The following IQSEC1 variants were observed in gnomAD, a reference collection of about 807,000 sequenced individuals.
IQSEC1 encodes the protein IQ motif and SEC7 domain-containing protein 1.
A neutral mutation model predicts 91.0 loss-of-function variants in IQSEC1; 31 were observed. The ratio of observed to expected loss-of-function variants is 0.34; its 90% CI spans 0.26 to 0.46. The LOEUF is 0.46. IQSEC1 is among the 20% of genes least tolerant of loss of function. The pLI is 1.00. For synonymous variants in IQSEC1, 699 were observed against 662.6 expected (o/e 1.05, Z -0.84); for missense variants, 1,388 against 1,575.6 (o/e 0.88, Z 2.02).
At chr3:13,004,127 C>G (rs747767164) in intron 1 of IQSEC1, among the ~76,000 whole-genome samples, 3 of 151,928 alleles carry the variant, frequency 2.0e-5, no homozygotes, top group Admixed American at 2.0e-4. Context: ...ATCTATAGAC[C>G]CTGAATGGAG....
At chr3:13,276,289 C>T (rs1034094715) in intron 1 of IQSEC1, among the ~76,000 whole-genome samples, 6 of 151,894 alleles carry the variant, frequency 4.0e-5, no homozygotes, top group South Asian at 2.1e-4. Flanking sequence ...GGGGTTTCAC[C>T]GTGTCAGCCA....
At chr3:12,946,153 G>A (rs932847787) in intron 1 of IQSEC1, among the ~76,000 whole-genome samples, 20 of 152,176 alleles carry the variant, frequency 1.3e-4, no homozygotes, top group African/African-American at 4.6e-4. Flanking sequence ...CTCTAGGTGG[G>A]ACTTTTGGGT....
At position 12,983,836 on chromosome 3, in the gene IQSEC1, GATAA is replaced by G. The variant is rs1449443035; in HGVS notation, c.24-41975_24-41972del. Among the ~76,000 whole-genome samples the G allele has an allele frequency of 6.6e-6, 1 of 152,188 alleles. No homozygotes were observed. The highest frequency in any genetic ancestry group is 2.4e-5 in the African/African-American group (1 of 41,432). ...CGGCGCCTGGCACAACTAGCTGCTGGATAAATATTTGTGGATGAAATGAATATGC... is the reference window on the plus strand; with the variant it reads ...CGGCGCCTGGCACAACTAGCTGCTGGATATTTGTGGATGAAATGAATATGC... On this transcript the variant is annotated intron_variant, in intron 1 of 13. Transcript: ENST00000613206. The surrounding 1 kb of genome is among the most constrained non-coding windows in gnomAD (Gnocchi z 4.3).
intron 1 of IQSEC1, among the ~76,000 whole-genome samples, chr3:12,953,287 A>T (rs117646040): frequency 0.018 from 2,715 of 152,270 alleles, 48 homozygotes; most frequent in Middle Eastern, 0.034. Flanking sequence ...GGGCAGCCCG[A>T]CCCGATCCGC....
At chr3:12,907,034 AT>A (rs775408151) in intron 12 of IQSEC1, among the ~76,000 whole-genome samples, 14 of 152,272 alleles carry the variant, frequency 9.2e-5, no homozygotes, top group Non-Finnish European at 1.5e-4. Flanking sequence ...CAGGGAAGAT[AT>A]TACTGGCAAC....
intron 6 of IQSEC1, among the ~76,000 whole-genome samples, chr3:12,920,168 C>T (rs1009772041): frequency 2.0e-5 from 3 of 152,244 alleles, no homozygotes; most frequent in African/African-American, 7.2e-5. Context: ...CTAACAGTGT[C>T]ACCTTCTCTG....
At chr3:13,020,303 G>A (rs538192472) in intron 1 of IQSEC1, among the ~76,000 whole-genome samples, 4 of 152,282 alleles carry the variant, frequency 2.6e-5, no homozygotes, top group South Asian at 4.1e-4. Flanking sequence ...CCAGGGCTGA[G>A]CTCTGCCTCT....
chr3:12,929,616 C>CT (rs1478728898), intron 3 of IQSEC1, among the ~76,000 whole-genome samples: 3 of 152,334 alleles, frequency 2.0e-5, no homozygotes, highest in East Asian at 3.9e-4. Context: ...TCCGGATGCC[C>CT]TTCCTGCTGC....
At chr3:13,087,869 C>T (rs182221371) in intron 2 of IQSEC1, among the ~76,000 whole-genome samples, 162 of 152,258 alleles carry the variant, frequency 1.1e-3, no homozygotes, top group African/African-American at 3.6e-3. Flanking sequence ...GGATGGGGGC[C>T]GAACTTATCC....
rs79116155 is a variant in IQSEC1 at position 13,151,252 on chromosome 3, G to A, written c.302+12852C>T. Reference sequence around the variant, plus strand: ...GGGCTTCTCTAAGAGAGAGGTGGACGATGCTATCGGGAGCCCCTGTCACAG... The same window carrying A: ...GGGCTTCTCTAAGAGAGAGGTGGACAATGCTATCGGGAGCCCCTGTCACAG... On this transcript the variant is annotated intron_variant, in intron 2 of 15. Transcript: ENST00000648114. 4.5e-3 allele frequency among the ~76,000 whole-genome samples: 690 copies of A among 152,264 alleles called. 43 individuals carry two copies. The East Asian group carries it at 0.11, about 25-fold the overall frequency.
At chr3:13,000,037 C>T (rs1702359688) in intron 1 of IQSEC1, among the ~76,000 whole-genome samples, 1 of 152,202 alleles carries the variant, frequency 6.6e-6, no homozygotes, top group South Asian at 2.1e-4. Context: ...AAACCTAATG[C>T]TTTTCAAGCA....
chr3:13,143,795 G>C (rs774369787), intron 2 of IQSEC1, among the ~76,000 whole-genome samples: 1 of 152,232 alleles, frequency 6.6e-6, no homozygotes, highest in African/African-American at 2.4e-5. Context: ...TAGAGCCAGG[G>C]AGGGGTTGGG....
intron 1 of IQSEC1, among the ~76,000 whole-genome samples, chr3:13,228,588 A>G (rs1694795574): frequency 6.6e-6 from 1 of 152,222 alleles, no homozygotes; most frequent in African/African-American, 2.4e-5. Flanking sequence ...AAAGGTCCTA[A>G]TACCTTAAAA....
At chr3:13,064,719 C>A (rs1040604371) in intron 1 of IQSEC1, among the ~76,000 whole-genome samples, 1 of 152,248 alleles carries the variant, frequency 6.6e-6, no homozygotes, top group Non-Finnish European at 1.5e-5. Context: ...ATACAAAATG[C>A]ATTTTGTGGT....
chr3:13,227,605 A>C (rs2121907), intron 1 of IQSEC1, among the ~76,000 whole-genome samples: 27,021 of 151,730 alleles, frequency 0.18, 3,335 homozygotes, highest in East Asian at 0.34. Flanking sequence ...GGTGCTGAGC[A>C]GAGGAGGGAC....
intron 5 of IQSEC1, among the ~76,000 whole-genome samples, chr3:12,921,236 G>A (rs1028937072): frequency 2.4e-4 from 36 of 152,226 alleles, no homozygotes; most frequent in Non-Finnish European, 2.8e-4. Flanking sequence ...GCAAAGTACC[G>A]GGACTGAGGC....
At position 12,967,237 on chromosome 3, in the gene IQSEC1, G is replaced by C. The variant is rs953303903; in HGVS notation, c.24-25372C>G. On this transcript the variant is annotated intron_variant, in intron 1 of 13. Transcript: ENST00000613206. This position sits in a 1 kb window ranked among gnomAD's most constrained non-coding sequence, Gnocchi z 5.9. ...TCTCACCCAAACCCACAGTCTGGCG[G>C]ACGCACCCCGCCCCGCAGGCAGCTT... 96 of 635,012 alleles carry C rather than the reference G, an allele frequency of 1.5e-4. No homozygotes were observed. Among genetic ancestry groups the C allele is most frequent in the Non-Finnish European group, 2.3e-4 (88 of 384,848 alleles). The allele number at this position is 635,012 out of a possible 1,614,324, so 39.3% of individuals were successfully genotyped here. A position where few individuals can be genotyped will look rare whatever the true frequency, so the allele number is the denominator to read the frequency against.
intron 2 of IQSEC1, among the ~76,000 whole-genome samples, chr3:13,080,053 G>A (rs1447713621): frequency 6.6e-6 from 1 of 152,258 alleles, no homozygotes; most frequent in East Asian, 1.9e-4. Context: ...AACATGTGCA[G>A]AGGCTTGGAG....
chr3:13,004,633 G>C (rs905268115), intron 1 of IQSEC1, among the ~76,000 whole-genome samples: 5 of 152,206 alleles, frequency 3.3e-5, no homozygotes, highest in Non-Finnish European at 7.3e-5. Flanking sequence ...GCCCAGAGCA[G>C]GGACAGGGCA....
Sources: allele counts gnomAD v4.1 joint callset (sites outside exome capture counted in the v4.1 genomes callset), GRCh38; gene constraint gnomAD v4.1.1; non-coding constraint Gnocchi (gnomAD v3.1); transcripts MANE v1.5; gene names NCBI Gene and HGNC (gene_info 2026-07-23, HGNC 2026-07-21).